Variants in BTBD8 observed in about 807,000 individuals in gnomAD.
BTBD8 encodes BTB domain containing 8, also known as BTB/POZ domain-containing protein 8.
Under a neutral mutation model 162.9 loss-of-function variants are expected in BTBD8, and 110 were observed. The ratio of observed to expected loss-of-function variants is 0.68; its 90% CI spans 0.58 to 0.79. The LOEUF is 0.79. BTBD8 is among the 30% of genes least tolerant of loss of function. BTBD8 has a pLI of 0.00. For synonymous variants in BTBD8, 667 were observed against 716.1 expected (o/e 0.93, Z 1.10); for missense variants, 1,905 against 2,085.4 (o/e 0.91, Z 1.68).
chr1:92,168,794 C>G (rs1557463072), intron 11 of BTBD8, 72 bp from the exon 12 acceptor site: 2 of 1,367,506 alleles, frequency 1.5e-6, no homozygotes, highest in Non-Finnish European at 1.9e-6. Context: ...TAAGTAGATT[C>G]TGAAAGGAAT....
intron 5 of BTBD8, among the ~76,000 whole-genome samples, chr1:92,130,884 G>A (rs1649500039): frequency 6.6e-6 from 1 of 152,164 alleles, no homozygotes; most frequent in Non-Finnish European, 1.5e-5. Flanking sequence ...TGTATTTTTA[G>A]TAGAAATGGG....
intron 9 of BTBD8, among the ~76,000 whole-genome samples, chr1:92,157,814 T>C (rs1650194330): frequency 1.3e-5 from 2 of 152,242 alleles, no homozygotes; most frequent in African/African-American, 4.8e-5. Context: ...ACATGTTGTA[T>C]TCACTATTGA....
rs1650938397 is a variant in BTBD8, at chr1:92,182,327, GCTT to G, written c.4649_4651del (p.Leu1550del). On this transcript the variant is annotated inframe_deletion, in exon 17 of 18. Coordinates refer to ENST00000636805, the MANE Select transcript of BTBD8 (RefSeq NM_001376131.1). ...ACGTCCTATCCAGTAGAAGCAGACA[GCTT>G]CTTCGAGAAGATAAAAAAGTAAACA... 1.3e-6 allele frequency: 2 copies of G among 1,550,646 alleles called. No individual in the cohort carries two copies. Among genetic ancestry groups the G allele is most frequent in the Non-Finnish European group, 1.7e-6 (2 of 1,146,762 alleles).
At position 92,181,531 on chromosome 1, in the gene BTBD8, G is replaced by A; in HGVS notation, c.3848G>A (p.Arg1283Lys). 3 of 1,551,740 alleles carry A rather than the reference G, an allele frequency of 1.9e-6. No homozygotes were observed. Among genetic ancestry groups the A allele is most frequent in the Non-Finnish European group, 2.6e-6 (3 of 1,146,984 alleles). ...CAGGATGATGATGGGTCAAATGACA[G>A]AGGTATCTCTAAATGTGGCACTATG... ...GSQDDDGSND[R>K]GISKCGTMLC... The change falls in exon 17 of 18, where the codon AGA becomes AAA. Residue 1283 changes from arginine to lysine, a missense_variant. Arg to Lys is a conservative substitution (Grantham distance 26, BLOSUM62 2). Transcript: ENST00000636805.
chr1:92,107,509 G>A (rs1648766057), intron 3 of BTBD8, among the ~76,000 whole-genome samples: 1 of 152,090 alleles, frequency 6.6e-6, no homozygotes, highest in South Asian at 2.1e-4. Flanking sequence ...TTATAGCCTA[G>A]GAACAATAGG....
chr1:92,083,093 G>C (rs1179319204), intron 1 of BTBD8, among the ~76,000 whole-genome samples: 1 of 150,388 alleles, frequency 6.6e-6, no homozygotes, highest in Non-Finnish European at 1.5e-5. Context: ...CTGAGATCAA[G>C]CCACTGCCCT....
chr1:92,081,734 C>T (rs905154353), intron 1 of BTBD8, among the ~76,000 whole-genome samples: 1 of 152,132 alleles, frequency 6.6e-6, no homozygotes, highest in African/African-American at 2.4e-5. Context: ...CCACCACGCC[C>T]GGCTAATTTT....
At chr1:92,132,250 A>G (rs554573534) in intron 5 of BTBD8, among the ~76,000 whole-genome samples, 24 of 151,952 alleles carry the variant, frequency 1.6e-4, no homozygotes, top group African/African-American at 5.8e-4. Context: ...TTCAACTTCT[A>G]TCTGTTTTAT....
chr1:92,167,244 G>A, intron 10 of BTBD8, 104 bp downstream of exon 10: 4 of 1,341,968 alleles, frequency 3.0e-6, no homozygotes, highest in Non-Finnish European at 4.1e-6. Flanking sequence ...AAATTAATGT[G>A]ATTTAAATAA....
intron 1 of BTBD8, among the ~76,000 whole-genome samples, chr1:92,083,579 A>G (rs1361440907): frequency 6.6e-6 from 1 of 152,184 alleles, no homozygotes; most frequent in Non-Finnish European, 1.5e-5. Context: ...TCAAAGTGAC[A>G]GTAGGTAAGG....
Position 92,180,994 on chromosome 1 carries a change from C to T in BTBD8, c.3311C>T (p.Ser1104Phe), listed in dbSNP as rs186956223. The change falls in exon 17 of 18, where the codon TCT becomes TTT. Residue 1104 changes from serine (S) to phenylalanine (F), a missense_variant. By Grantham distance (155) the Ser-to-Phe change is radical. Coordinates refer to ENST00000636805, the MANE Select transcript of BTBD8 (RefSeq NM_001376131.1). ...VSNPNENSLN[S>F]NPVCDLDSTS... ...AATCCAAATGAAAACTCCTTGAACT[C>T]TAATCCAGTTTGTGATTTAGACTCA... 172 of 1,551,794 alleles carry T rather than the reference C, an allele frequency of 1.1e-4. No individual in the cohort carries two copies. The African/African-American group carries it at 2.2e-3, about 20-fold the overall frequency.
At chr1:92,178,936 A>G (rs1406692795) in intron 16 of BTBD8, among the ~76,000 whole-genome samples, 1 of 152,198 alleles carries the variant, frequency 6.6e-6, no homozygotes, top group Non-Finnish European at 1.5e-5. Flanking sequence ...AACTGGCACT[A>G]AAGAGCTCTA....
At chr1:92,163,773 G>T (rs1650322524) in intron 9 of BTBD8, among the ~76,000 whole-genome samples, 1 of 152,026 alleles carries the variant, frequency 6.6e-6, no homozygotes, top group Non-Finnish European at 1.5e-5. Context: ...GAATCTCGAG[G>T]TACTCTAACA....
At chr1:92,139,477 T>C in intron 6 of BTBD8, 47 bp downstream of exon 6, 1 of 1,578,802 alleles carries the variant, frequency 6.3e-7, no homozygotes, top group Non-Finnish European at 8.6e-7. Context: ...AGTTAGGTTC[T>C]GCTTTGTTGA....
intron 4 of BTBD8, among the ~76,000 whole-genome samples, chr1:92,114,406 A>G (rs1001983375): frequency 6.6e-6 from 1 of 152,048 alleles, no homozygotes; most frequent in Non-Finnish European, 1.5e-5. Context: ...TTTATTACAA[A>G]CATATTGTTT....
chr1:92,128,402 C>T (rs1328379534), intron 4 of BTBD8, among the ~76,000 whole-genome samples: 1 of 152,074 alleles, frequency 6.6e-6, no homozygotes, highest in Non-Finnish European at 1.5e-5. Flanking sequence ...ACTTAGTCTC[C>T]CGAGTAGCTG....
At chr1:92,092,495 G>A (rs908564045) in intron 2 of BTBD8, among the ~76,000 whole-genome samples, 1 of 152,030 alleles carries the variant, frequency 6.6e-6, no homozygotes, top group Non-Finnish European at 1.5e-5. Context: ...GTGTCTGGAA[G>A]CCAGGAAGCC....
chr1:92,162,623 C>T (rs1650295099), intron 9 of BTBD8, among the ~76,000 whole-genome samples: 1 of 152,206 alleles, frequency 6.6e-6, no homozygotes, highest in Non-Finnish European at 1.5e-5. Context: ...CAGGCTCTGG[C>T]TAGCTGATGC....
intron 1 of BTBD8, among the ~76,000 whole-genome samples, chr1:92,082,042 A>G (rs905455727): frequency 6.6e-6 from 1 of 152,220 alleles, no homozygotes; most frequent in African/African-American, 2.4e-5. Flanking sequence ...AAAAGATGGA[A>G]AAAATAATAC....
Sources: gnomAD v4.1 joint callset for allele counts (sites outside exome capture counted in the v4.1 genomes callset) on GRCh38, gnomAD v4.1.1 for gene constraint, MANE v1.5 for transcripts, NCBI Gene and HGNC (gene_info 2026-07-23, HGNC 2026-07-21) for gene names.